The following SLAMF9 variants were observed in gnomAD, a reference collection of about 807,000 sequenced individuals.
The protein encoded by SLAMF9 is CD2 family member 10.
SLAMF9 carries 25 observed loss-of-function variants against 30.4 expected under a neutral mutation model. The ratio of observed to expected loss-of-function variants is 0.82; its 90% CI spans 0.60 to 1.15. SLAMF9 has a LOEUF of 1.15. Ranked by LOEUF, SLAMF9 falls within the 50% of genes most tolerant of loss-of-function variation. The probability of loss-of-function intolerance (pLI) is 0.00; values close to 1 mark genes in which losing one functional copy is unlikely to be tolerated. For synonymous variants in SLAMF9, 129 were observed against 127.2 expected, an observed-to-expected ratio of 1.01 and a Z score of -0.09; for missense variants, 344 against 346.1, an observed-to-expected ratio of 0.99 and a Z score of 0.05.
the SLAMF9 span, among the ~76,000 whole-genome samples, chr1:159,962,764 A>G: frequency 6.6e-6 from 1 of 152,228 alleles, no homozygotes; most frequent in Non-Finnish European, 1.5e-5. Flanking sequence ...AAAGGCAGGC[A>G]TTTCAAGAGA....
At chr1:159,967,943 T>A in the SLAMF9 span, among the ~76,000 whole-genome samples, 1 of 152,218 alleles carries the variant, frequency 6.6e-6, no homozygotes, top group Admixed American at 6.5e-5. Context: ...AATTTTTATA[T>A]GTTGATTTTG....
At chr1:159,954,801 G>A (rs1196531821), upstream of SLAMF9, among the ~76,000 whole-genome samples, 3 of 152,152 alleles carry the variant, frequency 2.0e-5, no homozygotes, top group African/African-American at 4.8e-5. Context: ...CAGTTTGGCC[G>A]GGTGCAATGG....
At chr1:159,953,936 G>A (rs527463685) in intron 1 of SLAMF9, among the ~76,000 whole-genome samples, 156 bp downstream of exon 1, 5 of 152,154 alleles carry the variant, frequency 3.3e-5, no homozygotes, top group East Asian at 1.9e-4. Flanking sequence ...GGTGTCTCTC[G>A]GTCCTGCCCT....
the SLAMF9 span, among the ~76,000 whole-genome samples, chr1:159,963,966 A>T: frequency 6.6e-6 from 1 of 152,210 alleles, no homozygotes; most frequent in African/African-American, 2.4e-5. Context: ...AGGCTGAGGC[A>T]GAAGAATCGC....
chr1:159,973,722 G>T, the SLAMF9 span: 1 of 1,368,810 alleles, frequency 7.3e-7, no homozygotes, highest in Non-Finnish European at 1.0e-6. Context: ...GTCCTGTCCA[G>T]AGAGCTACTG....
At chr1:159,956,927 G>C (rs150656908), upstream of SLAMF9, among the ~76,000 whole-genome samples, 3,864 of 151,736 alleles carry the variant, frequency 0.025, 164 homozygotes, top group African/African-American at 0.089. Flanking sequence ...AGACCATCCT[G>C]GCTGACAGGG....
the SLAMF9 span, chr1:159,974,028 A>G: frequency 8.1e-6 from 13 of 1,606,790 alleles, no homozygotes; most frequent in Non-Finnish European, 1.1e-5. Context: ...ATCTCCTTCA[A>G]ACACAGGGTT....
At chr1:159,973,723 A>C in the SLAMF9 span, 2 of 1,377,892 alleles carry the variant, frequency 1.5e-6, no homozygotes, top group Non-Finnish European at 2.1e-6. Context: ...TCCTGTCCAG[A>C]GAGCTACTGA....
At chr1:159,981,253 C>A in the SLAMF9 span, among the ~76,000 whole-genome samples, 1 of 152,102 alleles carries the variant, frequency 6.6e-6, no homozygotes, top group Admixed American at 6.6e-5. Flanking sequence ...TGCGGAGACA[C>A]AAGGAGAAGA....
At chr1:159,956,072 T>C (rs549636192), upstream of SLAMF9, among the ~76,000 whole-genome samples, 1 of 152,206 alleles carries the variant, frequency 6.6e-6, no homozygotes, top group African/African-American at 2.4e-5. Flanking sequence ...GCAGCACTAT[T>C]CACTAGAGCC....
chr1:159,963,376 G>A, the SLAMF9 span, among the ~76,000 whole-genome samples: 9 of 152,156 alleles, frequency 5.9e-5, no homozygotes, highest in Non-Finnish European at 1.3e-4. Flanking sequence ...ACGTTAGCTG[G>A]CAGCACCAAT....
chr1:159,953,130 C>T (rs1374033116), intron 2 of SLAMF9, among the ~76,000 whole-genome samples, 179 bp downstream of exon 2: 6 of 152,152 alleles, frequency 3.9e-5, no homozygotes, highest in South Asian at 2.1e-4. Flanking sequence ...CCTGTTGCTG[C>T]GGTTCAGATA....
At chr1:159,959,687 A>C in the SLAMF9 span, among the ~76,000 whole-genome samples, 31 of 152,106 alleles carry the variant, frequency 2.0e-4, no homozygotes, top group African/African-American at 7.2e-4. Flanking sequence ...TTGTGGTCAG[A>C]GGTGACATCA....
chr1:159,952,858 T>C (rs1393408127), intron 2 of SLAMF9, among the ~76,000 whole-genome samples: 1 of 152,208 alleles, frequency 6.6e-6, no homozygotes, highest in African/African-American at 2.4e-5. Flanking sequence ...CTCAGGGGCA[T>C]TTACATTTTA....
the SLAMF9 span, among the ~76,000 whole-genome samples, chr1:159,979,323 C>T: frequency 6.6e-6 from 1 of 152,218 alleles, no homozygotes; most frequent in African/African-American, 2.4e-5. Flanking sequence ...TTGGTTGCCA[C>T]TATGTTCCCC....
the SLAMF9 span, among the ~76,000 whole-genome samples, chr1:159,963,276 G>A: frequency 1.3e-5 from 2 of 152,140 alleles, no homozygotes; most frequent in Non-Finnish European, 2.9e-5. Flanking sequence ...AAGACCTGGG[G>A]CCCCTTGGTA....
At chr1:159,974,612 A>T in the SLAMF9 span, among the ~76,000 whole-genome samples, 1 of 152,004 alleles carries the variant, frequency 6.6e-6, no homozygotes, top group Non-Finnish European at 1.5e-5. Flanking sequence ...GATGCCCCAC[A>T]CCAATACCGA....
the SLAMF9 span, among the ~76,000 whole-genome samples, chr1:159,971,133 T>C: frequency 6.6e-6 from 1 of 152,294 alleles, no homozygotes; most frequent in South Asian, 2.1e-4. Context: ...ACACCTTTGT[T>C]CTCCAGTCCC....
chr1:159,961,602 A>C, the SLAMF9 span, among the ~76,000 whole-genome samples: 10 of 152,212 alleles, frequency 6.6e-5, no homozygotes, highest in African/African-American at 2.4e-4. Flanking sequence ...AGAGAACTGT[A>C]AGCGTCTGCA....
Sources: gnomAD v4.1 joint callset for allele counts (sites outside exome capture counted in the v4.1 genomes callset) on GRCh38, gnomAD v4.1.1 for gene constraint, MANE v1.5 for transcripts, NCBI Gene and HGNC (gene_info 2026-07-23, HGNC 2026-07-21) for gene names.